The following SMG6 variants were observed in gnomAD, a reference collection of about 807,000 sequenced individuals.
SMG6 encodes SMG6 nonsense mediated mRNA decay factor.
SMG6 carries 66 observed loss-of-function variants against 142.2 expected under a neutral mutation model. That is an observed-to-expected ratio of 0.46 (90% CI 0.38 to 0.57). The LOEUF (loss-of-function observed/expected upper bound fraction) is 0.57. Among genes scored for constraint, SMG6 ranks in the 20% least tolerant of loss-of-function variants. SMG6 has a pLI of 0.00. For missense variants in SMG6, 1,793 were observed against 1,832.0 expected (o/e 0.98, Z 0.39); for synonymous variants, 779 against 702.4 (o/e 1.11, Z -1.72).
At chr17:2,129,126 T>C (rs143875772) in intron 13 of SMG6, among the ~76,000 whole-genome samples, 2,833 of 151,800 alleles carry the variant, frequency 0.019, 49 homozygotes, top group South Asian at 0.065. Flanking sequence ...GGCAGGCGGA[T>C]CGCTTGAGCC....
chr17:2,093,025 T>C (rs1332528924), intron 13 of SMG6, among the ~76,000 whole-genome samples: 1 of 152,020 alleles, frequency 6.6e-6, no homozygotes, highest in East Asian at 1.9e-4. Context: ...TGAAACCCCA[T>C]CTCTACTAAA....
intron 13 of SMG6, among the ~76,000 whole-genome samples, chr17:2,141,487 G>C (rs2151574694): frequency 6.6e-6 from 1 of 152,296 alleles, no homozygotes; most frequent in Admixed American, 6.5e-5. Context: ...TGTCACCCAG[G>C]CTGGAGTGCA....
intron 13 of SMG6, among the ~76,000 whole-genome samples, chr17:2,149,349 C>CAAAAAAA (rs1178295829): frequency 1.4e-5 from 1 of 71,094 alleles, no homozygotes; most frequent in African/African-American, 4.9e-5. Flanking sequence ...GATTCCCCCT[C>CAAAAAAA]AAAAAAAAAA....
chr17:2,159,439 CAAAA>C lies in SMG6; in HGVS notation c.3357+13215_3357+13218del, dbSNP rs542819340. Among the ~76,000 whole-genome samples, 6 of 151,936 alleles carry C rather than the reference CAAAA, an allele frequency of 3.9e-5. No individual in the cohort carries two copies. The East Asian group carries it at 1.2e-3, about 29-fold the overall frequency. ...CGAGACTCTGTCTCAAACAAACAAA[CAAAA>C]AAACCCTCCAAAAACATAAAACCAA... On this transcript the variant is annotated intron_variant, in intron 13 of 18. Coordinates refer to ENST00000263073, the MANE Select transcript of SMG6 (RefSeq NM_017575.5).
At chr17:2,215,361 G>T (rs1018706236) in intron 10 of SMG6, 3 of 152,046 alleles carry the variant, frequency 2.0e-5, no homozygotes, top group African/African-American at 4.8e-5. Flanking sequence ...GTCCCTTCAG[G>T]AACAGTTTAA....
At chr17:2,293,157 T>A (rs2075075985) in intron 4 of SMG6, among the ~76,000 whole-genome samples, 180 bp from the exon 5 acceptor site, 1 of 152,162 alleles carries the variant, frequency 6.6e-6, no homozygotes, top group African/African-American at 2.4e-5. Flanking sequence ...TATAAAGTTT[T>A]CAGCCTAAAC....
In SMG6 at chr17:2,293,073, G is replaced by A. The variant is rs560700909; in HGVS notation, c.2152-96C>T. The A allele has an allele frequency of 2.3e-5, 20 of 860,696 alleles. 1 individual carries two copies. Among genetic ancestry groups the A allele is most frequent in the South Asian group, 2.0e-4 (15 of 74,778 alleles). 53.3% of individuals were successfully genotyped at this position (860,696 alleles called of 1,614,324 possible). Reference sequence around the variant, plus strand: ...GGGTGAAAATGACAATGTAGCACTCGTAAGGCACTAGCGGTCCTCAACAAA... The same window carrying A: ...GGGTGAAAATGACAATGTAGCACTCATAAGGCACTAGCGGTCCTCAACAAA... On this transcript the variant is annotated intron_variant, in intron 4 of 18. Coordinates refer to ENST00000263073, the MANE Select transcript of SMG6 (RefSeq NM_017575.5).
Position 2,283,351 on chromosome 17 carries a change from C to T in SMG6, c.2448+274G>A, listed in dbSNP as rs192532391. 5.9e-5 allele frequency among the ~76,000 whole-genome samples: 9 copies of T among 152,258 alleles called. No homozygotes were observed. In the East Asian group the frequency reaches 1.5e-3, roughly 26 times the overall value. ...TCTGTAGACTGAAGGCTGTAGAGCA[C>T]GTACATGTACATCCAAGGGCCCCTG... On this transcript the variant is annotated intron_variant, in intron 7 of 18. Transcript: ENST00000263073.
intron 13 of SMG6, among the ~76,000 whole-genome samples, chr17:2,102,524 T>C (rs948590237): frequency 4.5e-4 from 65 of 144,798 alleles, no homozygotes; most frequent in Non-Finnish European, 7.6e-4. Context: ...ATCCTGCTAA[T>C]TTCATTTTTT....
At chr17:2,200,198 G>A (rs543867808) in intron 10 of SMG6, among the ~76,000 whole-genome samples, 37 of 151,942 alleles carry the variant, frequency 2.4e-4, no homozygotes, top group African/African-American at 8.7e-4. Flanking sequence ...TGGGATTACA[G>A]GAGTGAGCCA....
intron 10 of SMG6, among the ~76,000 whole-genome samples, chr17:2,189,885 C>A (rs1433149849): frequency 6.6e-6 from 1 of 151,922 alleles, no homozygotes; most frequent in Non-Finnish European, 1.5e-5. Context: ...TTCCCACCAA[C>A]CTTCCAGATG....
intron 8 of SMG6, among the ~76,000 whole-genome samples, chr17:2,266,965 T>A (rs1371435140): frequency 6.6e-6 from 1 of 152,076 alleles, no homozygotes; most frequent in African/African-American, 2.4e-5. Flanking sequence ...CTAAGCTGTT[T>A]CTCATGGCCT....
intron 16 of SMG6, among the ~76,000 whole-genome samples, chr17:2,066,696 A>ACACACACACACACACACAC (rs1555529730): frequency 2.3e-5 from 1 of 43,824 alleles, no homozygotes; most frequent in Non-Finnish European, 5.5e-5. Flanking sequence ...CACACACACA[A>ACACACACACACACACACAC]TGCCCATGCT....
At position 2,300,581 on chromosome 17, in the gene SMG6, G is replaced by A. The variant is rs374509840; in HGVS notation, c.172C>T (p.Arg58Trp). Residue 58 changes from arginine (R) to tryptophan (W), a missense_variant, in exon 2 of 19, where the codon CGG becomes TGG. Arg to Trp is a moderately radical substitution (Grantham distance 101). Around this residue, in one of 3 missense-constraint regions of SMG6, gnomAD observed 1,597 missense variants for 1,584.6 expected, o/e 1.01. Coordinates refer to ENST00000263073, the MANE Select transcript of SMG6 (RefSeq NM_017575.5). The part of the protein sequence containing the change: ...DLEIYKPGLS[R>W]LRNKPKIKEP... ...TTGATTTTGGGCTTGTTCCTTAGCCGAGAAAGGCCAGGCTTATAGATTTCC... is the reference window on the plus strand; with the variant it reads ...TTGATTTTGGGCTTGTTCCTTAGCCAAGAAAGGCCAGGCTTATAGATTTCC... 13 of 1,613,846 alleles carry A rather than the reference G, an allele frequency of 8.1e-6. No individual in the cohort carries two copies. The highest frequency in any genetic ancestry group is 2.2e-5 in the East Asian group (1 of 44,886).
chr17:2,249,012 A>G (rs9303272), intron 8 of SMG6, among the ~76,000 whole-genome samples: 67,088 of 151,216 alleles, frequency 0.44, 15,617 homozygotes, highest in East Asian at 0.86. Flanking sequence ...TCAGCCTCCC[A>G]AGTAGCTGGG....
intron 6 of SMG6, among the ~76,000 whole-genome samples, chr17:2,288,230 C>G (rs913856286): frequency 6.6e-5 from 10 of 152,094 alleles, no homozygotes; most frequent in Non-Finnish European, 1.0e-4. Context: ...AGGAGAATCA[C>G]TTGAACCCGG....
chr17:2,216,537 A>C (rs2073025496), intron 10 of SMG6, among the ~76,000 whole-genome samples: 1 of 152,228 alleles, frequency 6.6e-6, no homozygotes, highest in Non-Finnish European at 1.5e-5. Flanking sequence ...CTTACCTATA[A>C]GACATAATTT....
intron 8 of SMG6, among the ~76,000 whole-genome samples, chr17:2,261,334 G>A (rs559898630): frequency 6.6e-6 from 1 of 151,716 alleles, no homozygotes; most frequent in Non-Finnish European, 1.5e-5. Context: ...AAAGGGAAGA[G>A]AAGAATGACA....
chr17:2,172,607 G>C, intron 13 of SMG6, 51 bp downstream of exon 13: 1 of 1,584,456 alleles, frequency 6.3e-7, no homozygotes, highest in East Asian at 2.2e-5. Context: ...AAAAAGTCTG[G>C]AGAATTAAGA....
Sources: gnomAD v4.1 joint callset for allele counts (sites outside exome capture counted in the v4.1 genomes callset) on GRCh38, gnomAD v4.1.1 for gene constraint, gnomAD v4.1.1 regional missense constraint, MANE v1.5 for transcripts, NCBI Gene and HGNC (gene_info 2026-07-23, HGNC 2026-07-21) for gene names.